Variants in KHDC1 observed in about 807,000 individuals in gnomAD.
The protein encoded by KHDC1 is KH domain containing 1.
KHDC1 carries 21 observed loss-of-function variants against 24.7 expected under a neutral mutation model. The ratio of observed to expected loss-of-function variants is 0.85; its 90% CI spans 0.60 to 1.23. KHDC1 has a LOEUF of 1.23. Among genes scored for constraint, KHDC1 ranks in the 50% most tolerant of loss-of-function variants. The pLI, the probability that KHDC1 is intolerant of heterozygous loss-of-function variation, is 0.00. For synonymous variants in KHDC1, 98 were observed against 111.7 expected (o/e 0.88, Z 0.77); for missense variants, 274 against 298.5 (o/e 0.92, Z 0.61).
rs567519290 is a variant in KHDC1 at position 73,293,126 on chromosome 6, A to G, written c.164-1086T>C. 1.1e-4 allele frequency: 89 copies of G among 813,596 alleles called. No homozygotes were observed. In the African/African-American group the frequency reaches 1.4e-3, roughly 13 times the overall value. 50.4% of individuals were successfully genotyped at this position (813,596 alleles called of 1,614,324 possible). ...ATTAGGTCATGTGGTTATGGTAACAATGTACTCTCACCCTATCAGCAAGTG... is the reference window on the plus strand; with the variant it reads ...ATTAGGTCATGTGGTTATGGTAACAGTGTACTCTCACCCTATCAGCAAGTG... On this transcript the variant is annotated intron_variant, in intron 1 of 4. Coordinates refer to ENST00000370384, the Ensembl canonical transcript of KHDC1.
chr6:73,303,021 G>A (rs962169969), intron 1 of KHDC1, among the ~76,000 whole-genome samples: 1 of 152,218 alleles, frequency 6.6e-6, no homozygotes, highest in Admixed American at 6.5e-5. Flanking sequence ...AGGTTGCAGT[G>A]AGTCGACATT....
Position 73,309,473 on chromosome 6 carries a change from G to T in KHDC1, c.163+79C>A, listed in dbSNP as rs1768038166. On this transcript the variant is annotated intron_variant, in intron 1 of 4. Coordinates refer to ENST00000370384, the Ensembl canonical transcript of KHDC1. ...CTAAGGAGCTGGAGTGATCCTGAAA[G>T]ATCCCGGAAGCGAAACTCGCCTTTC... 8.7e-6 allele frequency: 12 copies of T among 1,382,408 alleles called. No homozygotes were observed. The South Asian group carries it at 1.7e-4, about 20-fold the overall frequency. The allele number at this position is 1,382,408 out of a possible 1,614,324, so 85.6% of individuals were successfully genotyped here.
intron 2 of KHDC1, among the ~76,000 whole-genome samples, chr6:73,259,280 C>CTTTTTTTTTGTTTTTTTTTTTTTTTT (rs1766936029): frequency 1.4e-5 from 1 of 73,238 alleles, no homozygotes; most frequent in African/African-American, 6.4e-5. Flanking sequence ...ATCCAATATG[C>CTTTTTTTTTGTTTTTTTTTTTTTTTT]TTTTTTTTTT....
intron 2 of KHDC1, among the ~76,000 whole-genome samples, chr6:73,282,111 A>G (rs369239980): frequency 0.02 from 2,692 of 137,344 alleles, 80 homozygotes; most frequent in Middle Eastern, 0.026. Context: ...CCAGCTACTC[A>G]GGAGGCTGAG....
rs888802639 is a variant in KHDC1, at chr6:73,246,953, GA to G, written c.207-4424del. Among the ~76,000 whole-genome samples, 1,203 of 141,470 alleles carry G rather than the reference GA, an allele frequency of 8.5e-3. 10 individuals carry two copies. Among genetic ancestry groups the G allele is most frequent in the African/African-American group, 0.018 (693 of 38,862 alleles). 92.8% of individuals were successfully genotyped at this position (141,470 alleles called of 152,430 possible). On this transcript the variant is annotated intron_variant, in intron 2 of 4. Coordinates refer to ENST00000370384, the Ensembl canonical transcript of KHDC1. ...TTTTGCACATTGGGCTTGAATTTTAGAAAAAAAAAAATAAGTCAACTTTTTT... is the reference window on the plus strand; with the variant it reads ...TTTTGCACATTGGGCTTGAATTTTAGAAAAAAAAAATAAGTCAACTTTTTT...
Position 73,309,674 on chromosome 6 carries a change from AC to A in KHDC1, c.40del (p.Val14Ter). The A allele has an allele frequency of 1.9e-6, 3 of 1,550,110 alleles. No individual in the cohort carries two copies. Among genetic ancestry groups the A allele is most frequent in the Non-Finnish European group, 2.6e-6 (3 of 1,146,828 alleles). ...TCCGTATTCTGAGACTGTTTCAATC[AC>A]AAATAAGACTCGGAACAGCCTCTGG... On this transcript the variant is annotated frameshift_variant, in exon 1 of 5. Coordinates refer to ENST00000370384, the Ensembl canonical transcript of KHDC1. LOFTEE classifies it high-confidence loss of function.
chr6:73,303,856 T>C (rs1373178574), intron 1 of KHDC1, among the ~76,000 whole-genome samples: 1 of 152,084 alleles, frequency 6.6e-6, no homozygotes, highest in African/African-American at 2.4e-5. Context: ...AAAAAAATGG[T>C]GAAATGCAAA....
At chr6:73,247,855 C>CAAAAAAAA (rs60650206) in intron 2 of KHDC1, among the ~76,000 whole-genome samples, 2 of 89,588 alleles carry the variant, frequency 2.2e-5, no homozygotes, top group Admixed American at 1.2e-4. Context: ...GACTCTGTCT[C>CAAAAAAAA]AAAAAAAAAA....
At chr6:73,264,467 G>A (rs1176110140) in intron 2 of KHDC1, among the ~76,000 whole-genome samples, 1 of 152,184 alleles carries the variant, frequency 6.6e-6, no homozygotes, top group African/African-American at 2.4e-5. Flanking sequence ...TTGCCCTCTT[G>A]GGGCAAAGCT....
At chr6:73,302,264 G>A (rs1767891073) in intron 1 of KHDC1, among the ~76,000 whole-genome samples, 1 of 152,154 alleles carries the variant, frequency 6.6e-6, no homozygotes, top group Non-Finnish European at 1.5e-5. Context: ...ACTCCAGCCT[G>A]AGCAACAGAG....
intron 2 of KHDC1, among the ~76,000 whole-genome samples, chr6:73,279,386 C>T (rs943115286): frequency 8.6e-5 from 13 of 151,870 alleles, no homozygotes; most frequent in Non-Finnish European, 1.8e-4. Context: ...GGTGACAGAC[C>T]GAGCCTGTCT....
chr6:73,257,249 T>C (rs1302999995), intron 2 of KHDC1, among the ~76,000 whole-genome samples: 1 of 152,170 alleles, frequency 6.6e-6, no homozygotes, highest in Non-Finnish European at 1.5e-5. Flanking sequence ...GCTTTCATCA[T>C]ACCACTGCAA....
intron 2 of KHDC1, among the ~76,000 whole-genome samples, chr6:73,262,227 T>C (rs559124839): frequency 5.9e-4 from 90 of 152,310 alleles, no homozygotes; most frequent in Non-Finnish European, 1.1e-3. Context: ...GTATACCCAT[T>C]TCATAGGGCT....
At chr6:73,305,533 A>G (rs554708245) in intron 1 of KHDC1, among the ~76,000 whole-genome samples, 180 of 152,258 alleles carry the variant, frequency 1.2e-3, no homozygotes, top group African/African-American at 4.2e-3. Context: ...AAGAGCACAC[A>G]TCCAAAACAG....
chr6:73,249,767 A>G, intron 2 of KHDC1, among the ~76,000 whole-genome samples: 1 of 151,880 alleles, frequency 6.6e-6, no homozygotes, highest in East Asian at 1.9e-4. Context: ...TTTTGTTTTT[A>G]GAAACAGGGT....
chr6:73,277,210 G>A (rs775500567), intron 2 of KHDC1, among the ~76,000 whole-genome samples: 1 of 152,174 alleles, frequency 6.6e-6, no homozygotes, highest in African/African-American at 2.4e-5. Flanking sequence ...GCTCACACCT[G>A]TAATTCAAGA....
Position 73,310,105 on chromosome 6 carries a change from G to A in KHDC1, c.-391C>T, listed in dbSNP as rs577620179. On this transcript the variant is annotated 5_prime_UTR_variant, in exon 1 of 5. Transcript: ENST00000370384. ...GACAAGAACCGGAGGAGAGGACCCG[G>A]AGAACGGAGCAGCATCCCGCCGCCC... 7 of 213,992 alleles carry A rather than the reference G, an allele frequency of 3.3e-5. No individual in the cohort carries two copies. The East Asian group carries it at 1.1e-3, about 32-fold the overall frequency. The allele number at this position is 213,992 out of a possible 1,614,324, so 13.3% of individuals were successfully genotyped here.
At chr6:73,301,248 T>TC (rs1401966198) in intron 1 of KHDC1, 1 of 150,256 alleles carries the variant, frequency 6.7e-6, no homozygotes. Context: ...TGCCCTTCAT[T>TC]CCCCATTTCT....
chr6:73,288,973 A>T (rs777409669), intron 2 of KHDC1, among the ~76,000 whole-genome samples: 4 of 152,208 alleles, frequency 2.6e-5, no homozygotes, highest in African/African-American at 4.8e-5. Flanking sequence ...TGCATATCAG[A>T]GACACACTCA....
Sources: gnomAD v4.1 joint callset for allele counts (sites outside exome capture counted in the v4.1 genomes callset) on GRCh38, gnomAD v4.1.1 for gene constraint, MANE v1.5 for transcripts, NCBI Gene and HGNC (gene_info 2026-07-23, HGNC 2026-07-21) for gene names.